BPNT2: variants seen among roughly 807,000 people sequenced by gnomAD.
The protein encoded by BPNT2 is Golgi-resident adenosine 3',5'-bisphosphate 3'-phosphatase.
In BPNT2, 11 loss-of-function variants were observed where a neutral mutation model predicts 29.3. The observed-to-expected ratio is 0.38, with a 90% CI of 0.24 to 0.62. BPNT2 has a LOEUF of 0.62. Among genes scored for constraint, BPNT2 ranks in the 20% least tolerant of loss-of-function variants. The pLI is 0.62. For synonymous variants in BPNT2, 195 were observed against 187.7 expected (o/e 1.04, Z -0.32); for missense variants, 459 against 473.4 (o/e 0.97, Z 0.28).
At chr8:56,980,926 A>G (rs1301154167) in intron 1 of BPNT2, among the ~76,000 whole-genome samples, 1 of 151,284 alleles carries the variant, frequency 6.6e-6, no homozygotes, top group African/African-American at 2.4e-5. Flanking sequence ...ACATATATAT[A>G]CATGTGTTTG....
chr8:56,992,420 T>A (rs1373337083), intron 1 of BPNT2, among the ~76,000 whole-genome samples: 1 of 152,170 alleles, frequency 6.6e-6, no homozygotes, highest in Non-Finnish European at 1.5e-5. Flanking sequence ...GCAGCTCCAG[T>A]GAAATGATGA....
intron 1 of BPNT2, among the ~76,000 whole-genome samples, chr8:56,980,948 A>C (rs945443870): frequency 2.0e-5 from 3 of 151,394 alleles, no homozygotes; most frequent in East Asian, 3.9e-4. Flanking sequence ...ATAATACTTT[A>C]TGTAAGTATT....
chr8:56,973,708 T>TAGA (rs1585559956), intron 3 of BPNT2, among the ~76,000 whole-genome samples: 2 of 152,256 alleles, frequency 1.3e-5, no homozygotes, highest in East Asian at 3.9e-4. Context: ...AAAGAAGATG[T>TAGA]AGAAGAAGCA....
In BPNT2 at chr8:56,963,545, C is replaced by A. The variant is rs904638427; in HGVS notation, c.*248G>T. On this transcript the variant is annotated 3_prime_UTR_variant, in exon 5 of 5. Coordinates refer to ENST00000262644, the MANE Select transcript of BPNT2 (RefSeq NM_017813.5). ...ATTTTAATTCACAAATATATATATG[C>A]GCCTTGTGTATGACAACTGTATGAA... 1 of 482,252 alleles carries A rather than the reference C, an allele frequency of 2.1e-6. No homozygotes were observed. The highest frequency in any genetic ancestry group is 1.9e-5 in the African/African-American group (1 of 51,784). The allele number at this position is 482,252 out of a possible 1,614,324, so 29.9% of individuals were successfully genotyped here. A position where few individuals can be genotyped will look rare whatever the true frequency, so the allele number is the denominator to read the frequency against.
chr8:56,980,723 A>G (rs1220668108), intron 1 of BPNT2, among the ~76,000 whole-genome samples: 3 of 151,348 alleles, frequency 2.0e-5, no homozygotes, highest in East Asian at 1.9e-4. Flanking sequence ...GGAGAGAAAT[A>G]TAAGTAGAGG....
chr8:56,962,443 T>C lies in BPNT2; in HGVS notation c.*1350A>G, dbSNP rs1461709586. On this transcript the variant is annotated 3_prime_UTR_variant, in exon 5 of 5. Coordinates refer to ENST00000262644, the MANE Select transcript of BPNT2 (RefSeq NM_017813.5). Reference sequence around the variant, plus strand: ...TGAGAAATCCCTCTCATCAGCATGTTATGGAATACAAGGGCACTGGAGTCA... The same window carrying C: ...TGAGAAATCCCTCTCATCAGCATGTCATGGAATACAAGGGCACTGGAGTCA... 2.0e-5 allele frequency: 3 copies of C among 152,198 alleles called. No homozygotes were observed. 9.4% of individuals were successfully genotyped at this position (152,198 alleles called of 1,614,324 possible).
chr8:56,980,821 C>CAT (rs1295184899), intron 1 of BPNT2, among the ~76,000 whole-genome samples: 2 of 29,402 alleles, frequency 6.8e-5, no homozygotes, highest in African/African-American at 1.8e-4. Flanking sequence ...CATACATATA[C>CAT]ACACACACAC....
intron 3 of BPNT2, among the ~76,000 whole-genome samples, chr8:56,969,277 T>C (rs1188347248): frequency 1.3e-5 from 2 of 152,228 alleles, no homozygotes; most frequent in African/African-American, 2.4e-5. Flanking sequence ...AGTAGTCTTT[T>C]AAGTATCAAG....
chr8:56,958,779 T>G lies in BPNT2; in HGVS notation c.*5014A>C, dbSNP rs111729642. On this transcript the variant is annotated 3_prime_UTR_variant, in exon 5 of 5. Coordinates refer to ENST00000262644, the MANE Select transcript of BPNT2 (RefSeq NM_017813.5). ...GTGCCCTGTCATCATGGCAGAGCAC[T>G]GTCTCTTCTGTGGGACTGAAACAGC... 1 of 152,186 alleles carries G rather than the reference T, an allele frequency of 6.6e-6. No homozygotes were observed. The highest frequency in any genetic ancestry group is 2.4e-5 in the African/African-American group (1 of 41,426). 9.4% of individuals were successfully genotyped at this position (152,186 alleles called of 1,614,324 possible). A position where few individuals can be genotyped will look rare whatever the true frequency, so the allele number is the denominator to read the frequency against.
chr8:56,983,251 T>C (rs1415153863), intron 1 of BPNT2, among the ~76,000 whole-genome samples: 1 of 152,128 alleles, frequency 6.6e-6, no homozygotes, highest in Non-Finnish European at 1.5e-5. Context: ...TGAAGTTGTT[T>C]TGAAAAAAAA....
At chr8:56,973,947 C>T (rs1806081555) in intron 3 of BPNT2, among the ~76,000 whole-genome samples, 1 of 152,104 alleles carries the variant, frequency 6.6e-6, no homozygotes, top group African/African-American at 2.4e-5. Flanking sequence ...GTATATCCTG[C>T]CTCTCCTTCC....
intron 4 of BPNT2, 56 bp downstream of exon 4, chr8:56,966,135 T>A (rs1805944859): frequency 6.3e-7 from 1 of 1,584,120 alleles, no homozygotes; most frequent in African/African-American, 1.3e-5. Context: ...TCTCCTAACA[T>A]AGCCTTGACC....
At chr8:56,980,318 T>A in intron 1 of BPNT2, 121 bp from the exon 2 acceptor site, 1 of 796,186 alleles carries the variant, frequency 1.3e-6, no homozygotes, top group Admixed American at 2.2e-5. Flanking sequence ...CTATTTTTAT[T>A]TCTTTTGATG....
chr8:56,959,117 A>T lies in BPNT2; in HGVS notation c.*4676T>A, dbSNP rs1805785694. 2 of 152,242 alleles carry T rather than the reference A, an allele frequency of 1.3e-5. No homozygotes were observed. The highest frequency in any genetic ancestry group is 2.9e-5 in the Non-Finnish European group (2 of 68,040). 9.4% of individuals were successfully genotyped at this position (152,242 alleles called of 1,614,324 possible). A position where few individuals can be genotyped will look rare whatever the true frequency, so the allele number is the denominator to read the frequency against. On this transcript the variant is annotated 3_prime_UTR_variant, in exon 5 of 5. Transcript: ENST00000262644. ...CAGTTTATGCTTTTTCAATTTCCAC[A>T]AATTGTTAATTATGATACTTAAGGG...
At chr8:56,992,156 A>G (rs905300228) in intron 1 of BPNT2, among the ~76,000 whole-genome samples, 4 of 152,198 alleles carry the variant, frequency 2.6e-5, no homozygotes, top group African/African-American at 9.7e-5. Flanking sequence ...CTAAACAATG[A>G]CAATATTCTC....
At chr8:56,964,181 AGTCTCTG>A in intron 4 of BPNT2, 117 bp from the exon 5 acceptor site, 2 of 699,606 alleles carry the variant, frequency 2.9e-6, no homozygotes, top group Non-Finnish European at 4.8e-6. Context: ...AGCTTGCTGC[AGTCTCTG>A]CAACTGCTTA....
chr8:56,980,874 TTC>T (rs1464585263), intron 1 of BPNT2, among the ~76,000 whole-genome samples: 3 of 148,934 alleles, frequency 2.0e-5, no homozygotes, highest in African/African-American at 7.4e-5. Context: ...CACATATATA[TTC>T]TCTCTGTATA....
intron 3 of BPNT2, among the ~76,000 whole-genome samples, chr8:56,977,066 T>C (rs899069297): frequency 1.3e-5 from 2 of 152,174 alleles, no homozygotes; most frequent in Non-Finnish European, 1.5e-5. Flanking sequence ...AAGCTATATA[T>C]GAAATATAAA....
chr8:56,962,760 C>T lies in BPNT2; in HGVS notation c.*1033G>A, dbSNP rs543293679. On this transcript the variant is annotated 3_prime_UTR_variant, in exon 5 of 5. Transcript: ENST00000262644. Reference sequence around the variant, plus strand: ...GTAAAAGCAACCATGGCAAAAGCAACCATACTCATTCTTGATAATGAAAGG... The same window carrying T: ...GTAAAAGCAACCATGGCAAAAGCAATCATACTCATTCTTGATAATGAAAGG... The T allele has an allele frequency of 1.4e-4, 22 of 152,034 alleles. No individual in the cohort carries two copies. The highest frequency in any genetic ancestry group is 5.3e-4 in the African/African-American group (22 of 41,454). The allele number at this position is 152,034 out of a possible 1,614,324, so 9.4% of individuals were successfully genotyped here.
Sources: allele counts gnomAD v4.1 joint callset (sites outside exome capture counted in the v4.1 genomes callset), GRCh38; gene constraint gnomAD v4.1.1; transcripts MANE v1.5; gene names NCBI Gene and HGNC (gene_info 2026-07-23, HGNC 2026-07-21).